ASZ1: variants seen among roughly 807,000 people sequenced by gnomAD.
The protein encoded by ASZ1 is ankyrin repeat, SAM and basic leucine zipper domain-containing protein 1.
A neutral mutation model predicts 61.8 loss-of-function variants in ASZ1; 67 were observed. That is an observed-to-expected ratio of 1.08 (90% CI 0.89 to 1.33). ASZ1 has a LOEUF of 1.33. ASZ1 is among the 40% of genes most tolerant of loss of function. The pLI, the probability that ASZ1 is intolerant of heterozygous loss-of-function variation, is 0.00. For synonymous variants in ASZ1, 193 were observed against 192.7 expected (o/e 1.00, Z -0.01); for missense variants, 577 against 554.5 (o/e 1.04, Z -0.41).
At chr7:117,418,130 C>A (rs975129826) in intron 4 of ASZ1, among the ~76,000 whole-genome samples, 1 of 152,120 alleles carries the variant, frequency 6.6e-6, no homozygotes, top group African/African-American at 2.4e-5. Context: ...AGGGTAAAGA[C>A]TTCACTACCT....
intron 10 of ASZ1, among the ~76,000 whole-genome samples, chr7:117,378,522 T>C (rs1314731551): frequency 2.6e-5 from 4 of 152,088 alleles, no homozygotes; most frequent in Non-Finnish European, 4.4e-5. Context: ...AAAATCATGC[T>C]AACACCAAAT....
intron 4 of ASZ1, among the ~76,000 whole-genome samples, chr7:117,402,301 G>T (rs17347210): frequency 0.08 from 12,190 of 152,118 alleles, 1,641 homozygotes; most frequent in African/African-American, 0.28. Flanking sequence ...ATCTGTCTCT[G>T]GGAATTCCCA....
At chr7:117,366,076 C>T (rs780670610) in intron 12 of ASZ1, among the ~76,000 whole-genome samples, 45 of 152,134 alleles carry the variant, frequency 3.0e-4, no homozygotes, top group Non-Finnish European at 5.9e-4. Flanking sequence ...CCAGTCTGGC[C>T]AACATGGTGA....
At chr7:117,363,816 TA>T (rs145304634) in intron 12 of ASZ1, 68 bp from the exon 13 acceptor site, 2 of 1,230,552 alleles carry the variant, frequency 1.6e-6, no homozygotes, top group South Asian at 2.2e-5. Context: ...ATTTTGATTT[TA>T]AAAAATATCA....
chr7:117,417,826 C>T (rs1322387552), intron 4 of ASZ1, among the ~76,000 whole-genome samples: 1 of 152,170 alleles, frequency 6.6e-6, no homozygotes, highest in Non-Finnish European at 1.5e-5. Context: ...TCTATAAATT[C>T]TCTAATTATT....
chr7:117,404,818 T>C (rs900402229), intron 4 of ASZ1, among the ~76,000 whole-genome samples: 12 of 152,142 alleles, frequency 7.9e-5, no homozygotes, highest in African/African-American at 1.2e-4. Context: ...ATCCCCATGA[T>C]TGGTGCCATA....
intron 11 of ASZ1, chr7:117,367,782 TA>T: frequency 1.0e-6 from 1 of 971,740 alleles, no homozygotes; most frequent in Non-Finnish European, 1.2e-6. Context: ...TGATGTTATA[TA>T]AAAATCACTG....
chr7:117,401,557 T>A (rs1420430490), intron 4 of ASZ1, among the ~76,000 whole-genome samples: 1 of 152,024 alleles, frequency 6.6e-6, no homozygotes, highest in Non-Finnish European at 1.5e-5. Context: ...AGACCCAGAA[T>A]CAACAAATGA....
chr7:117,384,765 C>A lies in ASZ1; in HGVS notation c.648G>T (p.Lys216Asn). The A allele has an allele frequency of 6.2e-7, 1 of 1,612,552 alleles. No individual in the cohort carries two copies. The highest frequency in any genetic ancestry group is 8.5e-7 in the Non-Finnish European group (1 of 1,179,310). ...ANKMLQTKDG[K>N]MPSEIAKRNK... Reference sequence around the variant, plus strand: ...TTCTTTTTGCAATCTCACTTGGCATCTTTCCATCTTTGGTTTGTAGCATTT... The same window carrying A: ...TTCTTTTTGCAATCTCACTTGGCATATTTCCATCTTTGGTTTGTAGCATTT... Residue 216 changes from lysine to asparagine, a missense_variant, in exon 6 of 13, where the codon AAG becomes AAT. Coordinates refer to ENST00000284629, the MANE Select transcript of ASZ1 (RefSeq NM_130768.3).
intron 2 of ASZ1, among the ~76,000 whole-genome samples, chr7:117,423,689 CAA>C (rs60144830): frequency 2.3e-3 from 174 of 76,482 alleles, no homozygotes; most frequent in African/African-American, 8.8e-3. Flanking sequence ...ACTAAAAATA[CAA>C]AAAAAAAAAA....
Position 117,417,547 on chromosome 7 carries a change from T to C in ASZ1, c.440+2616A>G, listed in dbSNP as rs191428777. 6.6e-4 allele frequency among the ~76,000 whole-genome samples: 100 copies of C among 152,302 alleles called. No individual in the cohort carries two copies. In the Middle Eastern group the frequency reaches 0.01, roughly 16 times the overall value. On this transcript the variant is annotated intron_variant, in intron 4 of 12. Transcript: ENST00000284629. ...CTATAAAATTCTCTTCAAATTTCAT[T>C]GTACTCCCCATATGTCCTGATATGT...
chr7:117,412,039 AGTGTGTGTGTGTGTGTGTGTGT>A lies in ASZ1; in HGVS notation c.440+8102_440+8123del, dbSNP rs57672347. 5.0e-3 allele frequency among the ~76,000 whole-genome samples: 643 copies of A among 128,444 alleles called. 7 individuals carry two copies. Among genetic ancestry groups the A allele is most frequent in the Middle Eastern group, 8.0e-3 (2 of 250 alleles). 84.3% of individuals were successfully genotyped at this position (128,444 alleles called of 152,430 possible). A position where few individuals can be genotyped will look rare whatever the true frequency, so the allele number is the denominator to read the frequency against. ...GAAAGATCCCAAACAAGTGAAAAGA[AGTGTGTGTGTGTGTGTGTGTGT>A]GTGTGTGTGTGTGTGTGTGACTGTG... On this transcript the variant is annotated intron_variant, in intron 4 of 12. Transcript: ENST00000284629.
At chr7:117,395,344 CT>C (rs929715100) in intron 4 of ASZ1, among the ~76,000 whole-genome samples, 2 of 151,984 alleles carry the variant, frequency 1.3e-5, no homozygotes, top group African/African-American at 4.8e-5. Context: ...TCCAAAAATT[CT>C]TTTTTTGGTC....
chr7:117,374,590 A>T (rs1396482251), intron 10 of ASZ1, among the ~76,000 whole-genome samples: 4 of 152,036 alleles, frequency 2.6e-5, no homozygotes, highest in Non-Finnish European at 4.4e-5. Flanking sequence ...TTAGGGAAAA[A>T]ATCAAACTGG....
chr7:117,395,715 G>A (rs1468346898), intron 4 of ASZ1, among the ~76,000 whole-genome samples: 1 of 151,726 alleles, frequency 6.6e-6, no homozygotes, highest in South Asian at 2.1e-4. Flanking sequence ...GACTATTTTC[G>A]GTTTACCAAG....
At chr7:117,425,362 T>A (rs1584747105) in intron 2 of ASZ1, among the ~76,000 whole-genome samples, 1 of 136,042 alleles carries the variant, frequency 7.4e-6, no homozygotes, top group African/African-American at 2.7e-5. Flanking sequence ...GCCTCCCGGG[T>A]TCACGCCATT....
chr7:117,385,846 G>C (rs764908003), intron 4 of ASZ1, 37 bp from the exon 5 acceptor site: 15 of 1,474,648 alleles, frequency 1.0e-5, no homozygotes, highest in East Asian at 2.3e-5. Flanking sequence ...TTGTGTTAAT[G>C]CTGCCATTAA....
chr7:117,401,814 G>A (rs1467512513), intron 4 of ASZ1, among the ~76,000 whole-genome samples: 2 of 151,988 alleles, frequency 1.3e-5, no homozygotes, highest in East Asian at 1.9e-4. Context: ...GTGAATCTTC[G>A]GGTTGGCCAC....
intron 2 of ASZ1, among the ~76,000 whole-genome samples, chr7:117,422,754 C>T (rs1797123541): frequency 6.6e-6 from 1 of 152,096 alleles, no homozygotes; most frequent in South Asian, 2.1e-4. Context: ...GAAAATACCA[C>T]ATATATCCCT....
Sources: gnomAD v4.1 joint callset for allele counts (sites outside exome capture counted in the v4.1 genomes callset) on GRCh38, gnomAD v4.1.1 for gene constraint, MANE v1.5 for transcripts, NCBI Gene and HGNC (gene_info 2026-07-23, HGNC 2026-07-21) for gene names.